The following TSHZ3 variants were observed in gnomAD, a reference collection of about 807,000 sequenced individuals.
TSHZ3 encodes teashirt zinc finger homeobox 3.
TSHZ3 carries 10 observed loss-of-function variants against 64.5 expected under a neutral mutation model. That is an observed-to-expected ratio of 0.16 (90% CI 0.10 to 0.26). The LOEUF is 0.26. Among genes scored for constraint, TSHZ3 ranks in the 10% least tolerant of loss-of-function variants. TSHZ3 has a pLI of 1.00. For missense variants in TSHZ3, 1,242 were observed against 1,421.7 expected (o/e 0.87, Z 2.03); for synonymous variants, 608 against 593.1 (o/e 1.03, Z -0.36).
intron 1 of TSHZ3, among the ~76,000 whole-genome samples, chr19:31,297,312 G>A (rs189341211): frequency 6.6e-6 from 1 of 152,310 alleles, no homozygotes; most frequent in East Asian, 1.9e-4. Context: ...GTGGCAGGCA[G>A]GACAATGGAG....
At chr19:31,262,183 G>T (rs1975989097) in intron 1 of TSHZ3, among the ~76,000 whole-genome samples, 1 of 152,136 alleles carries the variant, frequency 6.6e-6, no homozygotes, top group Non-Finnish European at 1.5e-5. Context: ...AGATTAAGAG[G>T]CTACTTTTAG....
At chr19:31,215,558 C>T (rs1204639653) in intron 4 of TSHZ3, among the ~76,000 whole-genome samples, 1 of 152,192 alleles carries the variant, frequency 6.6e-6, no homozygotes, top group Non-Finnish European at 1.5e-5. Context: ...TGATTTTTTA[C>T]ATTAATAGGA....
chr19:31,304,428 C>G (rs887192638), intron 1 of TSHZ3, among the ~76,000 whole-genome samples: 1 of 152,144 alleles, frequency 6.6e-6, no homozygotes, highest in Non-Finnish European at 1.5e-5. Context: ...GGGGGCCCTG[C>G]CTCTCCCTCT....
intron 5 of TSHZ3, among the ~76,000 whole-genome samples, chr19:31,195,168 G>A (rs76481240): frequency 6.6e-6 from 1 of 151,650 alleles, no homozygotes. Flanking sequence ...AGGTACAGAA[G>A]AAATATTTAA....
chr19:31,303,624 C>T (rs1037854397), intron 1 of TSHZ3, among the ~76,000 whole-genome samples: 1 of 152,144 alleles, frequency 6.6e-6, no homozygotes, highest in African/African-American at 2.4e-5. Flanking sequence ...GCCCCGACCC[C>T]GCCCCATCTT....
intron 3 of TSHZ3, among the ~76,000 whole-genome samples, chr19:31,238,201 TC>T (rs1476090740): frequency 2.0e-5 from 3 of 152,112 alleles, no homozygotes; most frequent in Non-Finnish European, 4.4e-5. Flanking sequence ...AATTTTTCTA[TC>T]ATTGTGGCTT....
chr19:31,236,185 G>A (rs1478679438), intron 3 of TSHZ3, among the ~76,000 whole-genome samples: 1 of 152,150 alleles, frequency 6.6e-6, no homozygotes, highest in Non-Finnish European at 1.5e-5. Context: ...TTAGTTTCTA[G>A]TTATTTTTAG....
At chr19:31,296,223 T>C (rs189236912) in intron 1 of TSHZ3, among the ~76,000 whole-genome samples, 1 of 151,780 alleles carries the variant, frequency 6.6e-6, no homozygotes, top group Admixed American at 6.6e-5. Flanking sequence ...CAGATACTGT[T>C]GTGGGGAATG....
At chr19:31,319,865 G>C (rs140174479) in intron 1 of TSHZ3, among the ~76,000 whole-genome samples, 33 of 145,414 alleles carry the variant, frequency 2.3e-4, no homozygotes, top group African/African-American at 8.5e-4. Flanking sequence ...GACATATATG[G>C]ACTCTTAAGA....
At chr19:31,236,711 A>C (rs1975620696) in intron 3 of TSHZ3, among the ~76,000 whole-genome samples, 1 of 152,216 alleles carries the variant, frequency 6.6e-6, no homozygotes, top group Non-Finnish European at 1.5e-5. Flanking sequence ...GAAACTATGA[A>C]ACTCCTGGAA....
chr19:31,326,899 T>G (rs866839217), intron 1 of TSHZ3, among the ~76,000 whole-genome samples: 1 of 152,172 alleles, frequency 6.6e-6, no homozygotes, highest in Non-Finnish European at 1.5e-5. Flanking sequence ...ACCCTATGTG[T>G]GCCCCAGTGT....
intron 1 of TSHZ3, among the ~76,000 whole-genome samples, chr19:31,258,619 G>A (rs1029985307): frequency 1.3e-5 from 2 of 152,122 alleles, no homozygotes; most frequent in East Asian, 1.9e-4. Context: ...ACAGGGATTC[G>A]GTCATACTGT....
At chr19:31,264,768 C>T (rs1394483753) in intron 1 of TSHZ3, among the ~76,000 whole-genome samples, 2 of 151,588 alleles carry the variant, frequency 1.3e-5, no homozygotes, top group East Asian at 1.9e-4. Flanking sequence ...GGTCATATTC[C>T]ATCCATGGGT....
chr19:31,276,598 C>A lies in TSHZ3; in HGVS notation c.3195G>T (p.Gly1065=), dbSNP rs140401914. The change falls in exon 2 of 2, where the codon GGG becomes GGT. Residue 1065 remains glycine, a synonymous_variant. Coordinates refer to ENST00000240587, the MANE Select transcript of TSHZ3 (RefSeq NM_020856.4). ...AVKLHLSKTH[G]KSPEDHLLYV... ...ACAGAAGGTGGTCTTCCGGAGATTTCCCGTGTGTTTTGCTAAGGTGAAGTT... is the reference window on the plus strand; with the variant it reads ...ACAGAAGGTGGTCTTCCGGAGATTTACCGTGTGTTTTGCTAAGGTGAAGTT... 2 of 1,595,824 alleles carry A rather than the reference C, an allele frequency of 1.3e-6. No individual in the cohort carries two copies. The highest frequency in any genetic ancestry group is 1.7e-6 in the Non-Finnish European group (2 of 1,167,748).
chr19:31,207,772 T>G (rs1401670912), intron 4 of TSHZ3: 2 of 152,234 alleles, frequency 1.3e-5, no homozygotes, highest in Non-Finnish European at 2.9e-5. Context: ...ACTGCACTTG[T>G]GTTTTTATAT....
intron 1 of TSHZ3, among the ~76,000 whole-genome samples, chr19:31,252,723 C>T (rs1212645731): frequency 6.6e-6 from 1 of 152,168 alleles, no homozygotes; most frequent in East Asian, 1.9e-4. Flanking sequence ...GGAACTGAGT[C>T]CATTAAACCT....
chr19:31,201,583 A>G (rs1363179109), intron 5 of TSHZ3, among the ~76,000 whole-genome samples: 1 of 152,212 alleles, frequency 6.6e-6, no homozygotes, highest in Non-Finnish European at 1.5e-5. Flanking sequence ...TGGCCATGGC[A>G]TCACAGCTTA....
intron 5 of TSHZ3, among the ~76,000 whole-genome samples, chr19:31,178,026 C>T (rs1470270168): frequency 6.6e-6 from 1 of 152,160 alleles, no homozygotes; most frequent in Non-Finnish European, 1.5e-5. Context: ...GGCTAACAGG[C>T]CTGGGCTTAG....
At chr19:31,179,769 G>T in intron 5 of TSHZ3, among the ~76,000 whole-genome samples, 1 of 151,624 alleles carries the variant, frequency 6.6e-6, no homozygotes, top group Admixed American at 6.6e-5. Flanking sequence ...TGATGGTGGG[G>T]GTGATGATAA....
Sources: allele counts gnomAD v4.1 joint callset (sites outside exome capture counted in the v4.1 genomes callset), GRCh38; gene constraint gnomAD v4.1.1; transcripts MANE v1.5; gene names NCBI Gene and HGNC (gene_info 2026-07-23, HGNC 2026-07-21).